Variants in NSD1 observed in about 807,000 individuals in gnomAD.
NSD1 encodes the protein nuclear receptor binding SET domain protein 1.
NSD1 carries 26 observed loss-of-function variants against 242.7 expected under a neutral mutation model. That is an observed-to-expected ratio of 0.11 (90% confidence interval 0.08 to 0.15). NSD1 has a LOEUF of 0.15. NSD1 is among the 10% of genes least tolerant of loss of function. The probability of loss-of-function intolerance (pLI) is 1.00; values close to 1 mark genes in which losing one functional copy is unlikely to be tolerated. For synonymous variants in NSD1, 1,106 were observed against 1,178.1 expected (o/e 0.94, Z 1.25); for missense variants, 2,495 against 3,272.8 (o/e 0.76, Z 5.80).
intron 2 of NSD1, among the ~76,000 whole-genome samples, chr5:177,146,857 A>T (rs146564198): frequency 2.0e-5 from 3 of 151,884 alleles, no homozygotes; most frequent in East Asian, 3.9e-4. Context: ...TAAAAAAAAA[A>T]TTAGCTGGAT....
intron 3 of NSD1, among the ~76,000 whole-genome samples, chr5:177,199,579 A>ATTTTTTCTTTTC (rs1762355768): frequency 7.8e-6 from 1 of 127,730 alleles, no homozygotes; most frequent in Non-Finnish European, 1.6e-5. Context: ...TCAACTTAAT[A>ATTTTTTCTTTTC]TTTTCTTTTC....
At chr5:177,164,575 G>T (rs1459304990) in intron 2 of NSD1, among the ~76,000 whole-genome samples, 1 of 152,072 alleles carries the variant, frequency 6.6e-6, no homozygotes, top group Non-Finnish European at 1.5e-5. Context: ...TGTTCTTTCT[G>T]TATATTATAC....
intron 5 of NSD1, among the ~76,000 whole-genome samples, chr5:177,231,486 G>A (rs1765050539): frequency 6.6e-6 from 1 of 152,008 alleles, no homozygotes; most frequent in Admixed American, 6.6e-5. Flanking sequence ...AAAGTTCAGT[G>A]GCACGATCTC....
intron 3 of NSD1, among the ~76,000 whole-genome samples, chr5:177,194,929 C>T (rs761986412): frequency 1.2e-4 from 18 of 151,746 alleles, no homozygotes; most frequent in Non-Finnish European, 2.1e-4. Flanking sequence ...GAGGCTAAGG[C>T]GGGCAGATCA....
chr5:177,263,892 G>T (rs928057671), intron 14 of NSD1, among the ~76,000 whole-genome samples: 1 of 151,994 alleles, frequency 6.6e-6, no homozygotes, highest in Non-Finnish European at 1.5e-5. Flanking sequence ...TAAAATTTTC[G>T]TAAACTATTG....
intron 2 of NSD1, among the ~76,000 whole-genome samples, chr5:177,174,923 G>A (rs1347318127): frequency 7.1e-6 from 1 of 140,570 alleles, no homozygotes; most frequent in Non-Finnish European, 1.5e-5. Context: ...CCAGGCTGGA[G>A]TGCAGTGGCG....
rs764613088 is a variant in NSD1, at chr5:177,251,847, C to T, written c.4759C>T (p.Arg1587Cys). ...PRGKFICNEC[R>C]TGIHTCFVCK... ...AGGAAAATTTATCTGCAATGAATGT[C>T]GCACAGGTAAAGTAGATATCGAACG... is the stretch of plus-strand genomic sequence containing the variant. The change falls in exon 12 of 23, where the codon CGC (arginine) becomes TGC (cysteine). Residue 1587 changes from arginine (R) to cysteine (C), a missense_variant. By Grantham distance (180) the Arg-to-Cys change is radical. Around this residue, in one of 19 missense-constraint regions of NSD1, gnomAD observed 27 missense variants for 43.1 expected, o/e 0.63. Coordinates refer to ENST00000439151, the MANE Select transcript of NSD1 (RefSeq NM_022455.5). 5 of 1,614,090 alleles carry T rather than the reference C, an allele frequency of 3.1e-6. No individual in the cohort carries two copies. Among genetic ancestry groups the T allele is most frequent in the East Asian group, 4.5e-5 (2 of 44,884 alleles).
chr5:177,235,699 T>TA, intron 5 of NSD1, 122 bp from the exon 6 acceptor site: 2 of 1,282,110 alleles, frequency 1.6e-6, no homozygotes, highest in South Asian at 2.6e-5. Context: ...TCTTAAGCCA[T>TA]AGTCTATTTT....
rs2127279665 is a variant in NSD1 at position 177,294,028 on chromosome 5, G to A, written c.6660G>A (p.Glu2220=). 6.2e-7 allele frequency: 1 copy of A among 1,614,128 alleles called. No homozygotes were observed. Among genetic ancestry groups the A allele is most frequent in the Non-Finnish European group, 8.5e-7 (1 of 1,180,026 alleles). ...CTCTGGAACCTGGGGAGATCCGTGAGTATGTGCCTCCCCCAGTACCGCTGC... is the reference window on the plus strand; with the variant it reads ...CTCTGGAACCTGGGGAGATCCGTGAATATGTGCCTCCCCCAGTACCGCTGC... The part of the protein sequence containing the change: ...PNPLEPGEIR[E]YVPPPVPLPP... Residue 2220 remains glutamate (E), a synonymous_variant, in exon 23 of 23, where the codon GAG becomes GAA. Transcript: ENST00000439151.
intron 6 of NSD1, among the ~76,000 whole-genome samples, chr5:177,237,531 C>CTTTTT (rs35657331): frequency 5.7e-5 from 7 of 123,154 alleles, no homozygotes; most frequent in African/African-American, 6.3e-5. Flanking sequence ...ATTATTTTAT[C>CTTTTT]TTTTTTTTTT....
In NSD1 at chr5:177,231,315, G is replaced by A. The variant is rs143558094; in HGVS notation, c.3797-4506G>A. Among the ~76,000 whole-genome samples, 204 of 152,242 alleles carry A rather than the reference G, an allele frequency of 1.3e-3. 1 individual carries two copies. The highest frequency in any genetic ancestry group is 4.6e-3 in the African/African-American group (192 of 41,542). ...CCCCAGGCTTGTGTTGAACTCCTGG[G>A]CTCAAGTAATCCTCTTGCTTGTGCC... is the stretch of plus-strand genomic sequence containing the variant. On this transcript the variant is annotated intron_variant, in intron 5 of 22. Transcript: ENST00000439151.
At chr5:177,190,806 A>G (rs1159110114) in intron 2 of NSD1, among the ~76,000 whole-genome samples, 1 of 146,718 alleles carries the variant, frequency 6.8e-6, no homozygotes, top group Non-Finnish European at 1.5e-5. Context: ...AGTAGCTGGG[A>G]CTACAGGCGC....
At chr5:177,202,629 T>A (rs1762594673) in intron 3 of NSD1, among the ~76,000 whole-genome samples, 1 of 152,148 alleles carries the variant, frequency 6.6e-6, no homozygotes, top group African/African-American at 2.4e-5. Flanking sequence ...TCCTCCCACT[T>A]CTGCCTCCCA....
intron 2 of NSD1, among the ~76,000 whole-genome samples, chr5:177,171,315 A>G (rs573092140): frequency 1.3e-5 from 2 of 152,258 alleles, no homozygotes; most frequent in Non-Finnish European, 2.9e-5. Context: ...CCAAAAAAAA[A>G]AAAGGAAACC....
rs1456033386 is a variant in NSD1 at position 177,134,102 on chromosome 5, GCCGCCGGCCTCCTCC to G, written c.-18+153_-18+167del. Reference sequence around the variant, plus strand: ...GGGGTTGGTGGCCGGCGGCGCTGCAGCCGCCGGCCTCCTCCCCCTCCCCCTCCTCCATCACTACCA... The same window carrying G: ...GGGGTTGGTGGCCGGCGGCGCTGCAGCCCTCCCCCTCCTCCATCACTACCA... On this transcript the variant is annotated intron_variant, in intron 1 of 22. Transcript: ENST00000439151. This position sits in a 1 kb window ranked among gnomAD's most constrained non-coding sequence, Gnocchi z 4.2. 1 of 150,058 alleles carries G rather than the reference GCCGCCGGCCTCCTCC, an allele frequency of 6.7e-6. No homozygotes were observed. Among genetic ancestry groups the G allele is most frequent in the Non-Finnish European group, 1.5e-5 (1 of 67,388 alleles). 9.3% of individuals were successfully genotyped at this position (150,058 alleles called of 1,614,324 possible).
Position 177,269,460 on chromosome 5 carries a change from A to G in NSD1, c.5304-142A>G, listed in dbSNP as rs1757784226. The G allele has an allele frequency of 1.3e-6, 1 of 761,880 alleles. No homozygotes were observed. Among genetic ancestry groups the G allele is most frequent in the African/African-American group, 1.7e-5 (1 of 58,258 alleles). The allele number at this position is 761,880 out of a possible 1,614,324, so 47.2% of individuals were successfully genotyped here. A position where few individuals can be genotyped will look rare whatever the true frequency, so the allele number is the denominator to read the frequency against. The stretch of plus-strand genomic sequence containing the variant: ...AGCACATACGACTTGTTTGTGTTCT[A>G]GTTAGGTTGTAAGAATGCCGTAAGA... On this transcript the variant is annotated intron_variant, in intron 15 of 22. Transcript: ENST00000439151. The surrounding 1 kb of genome is among the most constrained non-coding windows in gnomAD (Gnocchi z 5.1).
chr5:177,294,748 C>T lies in NSD1; in HGVS notation c.7380C>T (p.Asp2460=), dbSNP rs1453552721. Residue 2460 remains aspartate, a synonymous_variant, in exon 23 of 23, where the codon GAC becomes GAT. Coordinates refer to ENST00000439151, the MANE Select transcript of NSD1 (RefSeq NM_022455.5). ...NRAALVMDLI[D]LTPRQKERAA... The stretch of plus-strand genomic sequence containing the variant: ...CTGCTTTGGTGATGGATCTCATAGA[C>T]CTAACTCCTCGCCAGAAGGAGCGGG... The T allele has an allele frequency of 6.2e-7, 1 of 1,614,084 alleles. No homozygotes were observed. The highest frequency in any genetic ancestry group is 1.3e-5 in the African/African-American group (1 of 74,938).
intron 3 of NSD1, 75 bp downstream of exon 3, chr5:177,192,094 AAT>A: frequency 7.8e-7 from 1 of 1,289,654 alleles, no homozygotes; most frequent in Non-Finnish European, 1.1e-6. Context: ...TCTTAATAAT[AAT>A]ATATTTTTTT....
rs116094681 is a variant in NSD1 at position 177,296,259 on chromosome 5, G to A, written c.*800G>A. ...GTGCAGAGTCTCAAGATCAGTCCTT[G>A]GAGGAGCAGGTGGTCAGGGGCAGTC... On this transcript the variant is annotated 3_prime_UTR_variant, in exon 23 of 23. Coordinates refer to ENST00000439151, the MANE Select transcript of NSD1 (RefSeq NM_022455.5). The A allele has an allele frequency of 1.4e-3, 323 of 233,790 alleles. 1 individual carries two copies. Among genetic ancestry groups the A allele is most frequent in the African/African-American group, 6.7e-3 (303 of 45,490 alleles). 14.5% of individuals were successfully genotyped at this position (233,790 alleles called of 1,614,324 possible).
Sources: allele counts gnomAD v4.1 joint callset (sites outside exome capture counted in the v4.1 genomes callset), GRCh38; gene constraint gnomAD v4.1.1; regional missense constraint gnomAD v4.1.1; non-coding constraint Gnocchi (gnomAD v3.1); transcripts MANE v1.5; gene names NCBI Gene and HGNC (gene_info 2026-07-23, HGNC 2026-07-21).